SLC8A1: variants seen among roughly 807,000 people sequenced by gnomAD.
SLC8A1 encodes solute carrier family 8 member A1.
Under a neutral mutation model 68.3 loss-of-function variants are expected in SLC8A1, and 18 were observed. The observed-to-expected ratio is 0.26, with a 90% CI of 0.18 to 0.39. SLC8A1 has a LOEUF of 0.39. SLC8A1 is among the 10% of genes least tolerant of loss of function. SLC8A1 has a pLI of 1.00. For missense variants in SLC8A1, 985 were observed against 1,156.7 expected (o/e 0.85, Z 2.15); for synonymous variants, 475 against 415.5 (o/e 1.14, Z -1.74).
At chr2:40,427,424 C>T (rs1697159251) in intron 2 of SLC8A1, among the ~76,000 whole-genome samples, 1 of 152,006 alleles carries the variant, frequency 6.6e-6, no homozygotes, top group Non-Finnish European at 1.5e-5. Flanking sequence ...TTCTAAATGT[C>T]CAGTGCTTCA....
intron 1 of SLC8A1, among the ~76,000 whole-genome samples, chr2:40,459,156 C>T (rs951079821): frequency 1.3e-5 from 2 of 152,002 alleles, no homozygotes. Context: ...AAATGACAGG[C>T]AACAAGCAAA....
At chr2:40,380,798 A>G (rs1344756692) in intron 2 of SLC8A1, among the ~76,000 whole-genome samples, 1 of 152,096 alleles carries the variant, frequency 6.6e-6, no homozygotes, top group East Asian at 1.9e-4. Context: ...TAACCTGGCT[A>G]CAGCTAGATC....
chr2:40,510,427 G>T (rs1157419558), intron 1 of SLC8A1, among the ~76,000 whole-genome samples: 1 of 152,156 alleles, frequency 6.6e-6, no homozygotes, highest in Non-Finnish European at 1.5e-5. Context: ...CACTTGAAAT[G>T]CACTTGGCAG....
At chr2:40,171,927 C>G (rs1007517377) in intron 4 of SLC8A1, among the ~76,000 whole-genome samples, 1 of 152,198 alleles carries the variant, frequency 6.6e-6, no homozygotes, top group Non-Finnish European at 1.5e-5. Context: ...CACTTAATGT[C>G]CATCACTAAT....
intron 2 of SLC8A1, among the ~76,000 whole-genome samples, chr2:40,237,313 C>CT (rs2060530707): frequency 6.6e-6 from 1 of 151,696 alleles, no homozygotes; most frequent in Non-Finnish European, 1.5e-5. Context: ...TCTTTTTATT[C>CT]TTTTTTCTCT....
At chr2:40,301,796 T>C (rs544705185) in intron 2 of SLC8A1, among the ~76,000 whole-genome samples, 7 of 152,282 alleles carry the variant, frequency 4.6e-5, no homozygotes, top group South Asian at 2.1e-4. Context: ...CTTGGTTTCA[T>C]GAGTAAGTTC....
At chr2:40,327,764 A>C (rs1452771132) in intron 2 of SLC8A1, among the ~76,000 whole-genome samples, 1 of 152,132 alleles carries the variant, frequency 6.6e-6, no homozygotes, top group Non-Finnish European at 1.5e-5. Flanking sequence ...AAAAGGAGGG[A>C]GGGAGAAAAG....
At chr2:40,356,962 C>T (rs1672850654) in intron 2 of SLC8A1, among the ~76,000 whole-genome samples, 1 of 152,160 alleles carries the variant, frequency 6.6e-6, no homozygotes, top group African/African-American at 2.4e-5. Flanking sequence ...CCATCTTGCC[C>T]TATTATAAAC....
Position 40,169,050 on chromosome 2 carries a change from A to G in SLC8A1, c.1931-4066T>C, listed in dbSNP as rs531327787. On this transcript the variant is annotated intron_variant, in intron 4 of 7. Transcript: ENST00000406785. ...AAGCAATAGCAAATAATAAAAGCTA[A>G]TAGGTACCTGGCATCTGGGGAAAGC... is the stretch of plus-strand genomic sequence containing the variant. Among the ~76,000 whole-genome samples the G allele has an allele frequency of 3.9e-5, 6 of 152,348 alleles. No homozygotes were observed. In the South Asian group the frequency reaches 1.2e-3, roughly 32 times the overall value.
intron 2 of SLC8A1, among the ~76,000 whole-genome samples, chr2:40,305,563 G>T (rs2072410337): frequency 6.6e-6 from 1 of 152,162 alleles, no homozygotes; most frequent in Admixed American, 6.5e-5. Context: ...TAATATTTCA[G>T]AGGCTGTGAT....
chr2:40,313,586 T>C (rs994553695), intron 2 of SLC8A1, among the ~76,000 whole-genome samples: 2 of 152,030 alleles, frequency 1.3e-5, no homozygotes, highest in Non-Finnish European at 2.9e-5. Flanking sequence ...TTTTTTTTAA[T>C]GAGACAGGTT....
intron 2 of SLC8A1, among the ~76,000 whole-genome samples, chr2:40,303,011 GGAAAACCAATGAGA>G (rs1274057237): frequency 6.6e-6 from 1 of 152,078 alleles, no homozygotes; most frequent in East Asian, 1.9e-4. Flanking sequence ...TTTAGAAGAG[GGAAAACCAATGAGA>G]CATTTTCAAT....
chr2:40,175,332 A>T (rs2048282167), intron 3 of SLC8A1, 51 bp from the exon 4 acceptor site: 1 of 1,571,760 alleles, frequency 6.4e-7, no homozygotes, highest in African/African-American at 1.3e-5. Flanking sequence ...CCAGATGAAT[A>T]ATGAAAGTAA....
chr2:40,266,035 T>C (rs1055916726), intron 2 of SLC8A1, among the ~76,000 whole-genome samples: 2 of 152,296 alleles, frequency 1.3e-5, no homozygotes, highest in Middle Eastern at 3.4e-3. Context: ...AACTCCTAAC[T>C]TCAACAATGG....
At chr2:40,415,265 C>T (rs1339293294) in intron 2 of SLC8A1, among the ~76,000 whole-genome samples, 1 of 152,046 alleles carries the variant, frequency 6.6e-6, no homozygotes, top group Non-Finnish European at 1.5e-5. Context: ...AGGGGACTTC[C>T]AAGAGTCTCT....
intron 2 of SLC8A1, among the ~76,000 whole-genome samples, chr2:40,345,691 G>T (rs1169502201): frequency 6.6e-6 from 1 of 152,092 alleles, no homozygotes. Flanking sequence ...CATGCCATTT[G>T]CAGGGACATG....
chr2:40,427,445 T>C (rs1697165436), intron 2 of SLC8A1, among the ~76,000 whole-genome samples: 1 of 152,132 alleles, frequency 6.6e-6, no homozygotes, highest in South Asian at 2.1e-4. Flanking sequence ...ACCAACATAA[T>C]CATTCATTTT....
intron 2 of SLC8A1, among the ~76,000 whole-genome samples, chr2:40,363,132 G>A (rs543398154): frequency 6.6e-6 from 1 of 151,948 alleles, no homozygotes; most frequent in Non-Finnish European, 1.5e-5. Flanking sequence ...GAATGAAAAA[G>A]GTTTTACTAC....
At chr2:40,475,487 G>A (rs991356916) in intron 1 of SLC8A1, among the ~76,000 whole-genome samples, 7 of 151,624 alleles carry the variant, frequency 4.6e-5, no homozygotes, top group African/African-American at 9.7e-5. Flanking sequence ...AATATCTGTA[G>A]GTATTTATTG....
Sources: gnomAD v4.1 joint callset for allele counts (sites outside exome capture counted in the v4.1 genomes callset) on GRCh38, gnomAD v4.1.1 for gene constraint, MANE v1.5 for transcripts, NCBI Gene and HGNC (gene_info 2026-07-23, HGNC 2026-07-21) for gene names.